The following MAD1L1 variants were observed in gnomAD, a reference collection of about 807,000 sequenced individuals.
MAD1L1 encodes mitotic spindle assembly checkpoint protein MAD1.
A neutral mutation model predicts 96.9 loss-of-function variants in MAD1L1; 95 were observed. That is an observed-to-expected ratio of 0.98 (90% confidence interval 0.83 to 1.16). The LOEUF (loss-of-function observed/expected upper bound fraction) is 1.16. Ranked by LOEUF, MAD1L1 falls within the 50% of genes most tolerant of loss-of-function variation. The probability of loss-of-function intolerance (pLI) is 0.00; values close to 1 mark genes in which losing one functional copy is unlikely to be tolerated. For synonymous variants in MAD1L1, 473 were observed against 396.6 expected, an observed-to-expected ratio of 1.19 and a Z score of -2.29; for missense variants, 1,007 against 954.4, an observed-to-expected ratio of 1.06 and a Z score of -0.73.
At chr7:2,096,341 C>T (rs745477912) in intron 11 of MAD1L1, among the ~76,000 whole-genome samples, 9 of 152,212 alleles carry the variant, frequency 5.9e-5, no homozygotes, top group Non-Finnish European at 1.2e-4. Context: ...TGACCCTCTG[C>T]GCCTGCACAC....
At chr7:1,817,946 T>C (rs541839128) in intron 18 of MAD1L1, among the ~76,000 whole-genome samples, 2 of 152,158 alleles carry the variant, frequency 1.3e-5, no homozygotes, top group South Asian at 4.2e-4. Flanking sequence ...GACCTGTTCC[T>C]GCACCTCCTG....
intron 17 of MAD1L1, among the ~76,000 whole-genome samples, chr7:1,916,707 CG>C (rs934718779): frequency 6.6e-6 from 1 of 152,094 alleles, no homozygotes; most frequent in African/African-American, 2.4e-5. Flanking sequence ...CCCTGTGCTG[CG>C]GGTGTCTTGT....
At chr7:2,095,553 C>T (rs73034427) in intron 11 of MAD1L1, among the ~76,000 whole-genome samples, 4,149 of 152,274 alleles carry the variant, frequency 0.027, 99 homozygotes, top group South Asian at 0.09. Flanking sequence ...AGAAGGGCAG[C>T]GTAACCAGAG....
intron 12 of MAD1L1, among the ~76,000 whole-genome samples, chr7:2,032,707 T>G (rs548511787): frequency 2.0e-5 from 3 of 152,142 alleles, no homozygotes; most frequent in African/African-American, 7.2e-5. Context: ...TTCTGGCATT[T>G]TGAATTCGCG....
intron 13 of MAD1L1, among the ~76,000 whole-genome samples, chr7:2,003,576 G>A (rs1355503417): frequency 6.6e-6 from 1 of 152,126 alleles, no homozygotes; most frequent in African/African-American, 2.4e-5. Flanking sequence ...CTCCCGTGGA[G>A]GCTGCAGGTG....
chr7:1,901,930 C>T (rs1787270376), intron 17 of MAD1L1, among the ~76,000 whole-genome samples: 1 of 152,216 alleles, frequency 6.6e-6, no homozygotes, highest in South Asian at 2.1e-4. Context: ...CAGAACCGGC[C>T]CTCTTAGAGG....
chr7:2,219,851 C>T (rs150240205), intron 5 of MAD1L1, among the ~76,000 whole-genome samples: 3 of 152,232 alleles, frequency 2.0e-5, no homozygotes, highest in African/African-American at 2.4e-5. Flanking sequence ...CAGAGGAGAC[C>T]GGGCCCCAGC....
intron 10 of MAD1L1, among the ~76,000 whole-genome samples, chr7:2,188,124 A>C: frequency 6.6e-6 from 1 of 152,246 alleles, no homozygotes; most frequent in Admixed American, 6.5e-5. Flanking sequence ...TTACATAACC[A>C]TGCATGGATA....
rs548786175 is a variant in MAD1L1, at chr7:2,146,749, C to A, written c.1073+2403G>T. ...CCGTGGCCTCCCATCTTCTGCCATG[C>A]CGCCTCCTTCACGCTCATCTGAATT... On this transcript the variant is annotated intron_variant, in intron 11 of 18. Coordinates refer to ENST00000265854, the MANE Select transcript of MAD1L1 (RefSeq NM_001013836.2). This position sits in a 1 kb window ranked among gnomAD's most constrained non-coding sequence, Gnocchi z 6.2. 6.6e-6 allele frequency among the ~76,000 whole-genome samples: 1 copy of A among 152,356 alleles called. No homozygotes were observed. Among genetic ancestry groups the A allele is most frequent in the East Asian group, 1.9e-4 (1 of 5,188 alleles).
At position 1,968,511 on chromosome 7, in the gene MAD1L1, C is replaced by T. The variant is rs562589479; in HGVS notation, c.1506-10792G>A. 2.6e-5 allele frequency among the ~76,000 whole-genome samples: 4 copies of T among 151,122 alleles called. No individual in the cohort carries two copies. The highest frequency in any genetic ancestry group is 4.9e-5 in the African/African-American group (2 of 41,032). ...GTCCACTGTCCATGCCTCAGTCCGG[C>T]GGTCAGGTCCACCGTCAATGCCAGC... On this transcript the variant is annotated intron_variant, in intron 15 of 18. Coordinates refer to ENST00000265854, the MANE Select transcript of MAD1L1 (RefSeq NM_001013836.2). The surrounding 1 kb of genome is among the most constrained non-coding windows in gnomAD (Gnocchi z 5.6).
chr7:2,184,207 G>A (rs1487767921), intron 10 of MAD1L1, among the ~76,000 whole-genome samples: 5 of 151,582 alleles, frequency 3.3e-5, no homozygotes, highest in Admixed American at 2.0e-4. Context: ...AGTGGAGATC[G>A]CGCCACTGCA....
At chr7:2,104,990 C>CGCCTGGAGATGGGATTCCTGGCACAGCCT (rs1348575958) in intron 11 of MAD1L1, among the ~76,000 whole-genome samples, 6 of 152,222 alleles carry the variant, frequency 3.9e-5, no homozygotes, top group African/African-American at 1.4e-4. Flanking sequence ...ACGCACAGCC[C>CGCCTGGAGATGGGATTCCTGGCACAGCCT]GCCTGGAGAT....
At chr7:1,865,921 G>C (rs371370568) in intron 18 of MAD1L1, among the ~76,000 whole-genome samples, 1 of 152,234 alleles carries the variant, frequency 6.6e-6, no homozygotes, top group Non-Finnish European at 1.5e-5. Context: ...GGAAGCCCTG[G>C]ACAAGCCTGC....
chr7:2,132,704 G>A (rs776377543), intron 11 of MAD1L1, among the ~76,000 whole-genome samples: 8 of 152,198 alleles, frequency 5.3e-5, no homozygotes, highest in East Asian at 3.8e-4. Flanking sequence ...ATTCTTCCAC[G>A]TCTTTTCACA....
rs568281450 is a variant in MAD1L1 at position 2,171,191 on chromosome 7, G to A, written c.987-21953C>T. Reference sequence around the variant, plus strand: ...GCTGAAGAGAAGCAACGTTTCCTGCGTATCGTGCCAGCAGAGCGAAGGGCA... The same window carrying A: ...GCTGAAGAGAAGCAACGTTTCCTGCATATCGTGCCAGCAGAGCGAAGGGCA... On this transcript the variant is annotated intron_variant, in intron 10 of 18. Transcript: ENST00000265854. Among the ~76,000 whole-genome samples, 10 of 152,316 alleles carry A rather than the reference G, an allele frequency of 6.6e-5. No individual in the cohort carries two copies. In the South Asian group the frequency reaches 1.2e-3, roughly 19 times the overall value.
At chr7:2,065,217 T>C (rs1484266508) in intron 12 of MAD1L1, among the ~76,000 whole-genome samples, 3 of 152,242 alleles carry the variant, frequency 2.0e-5, no homozygotes, top group Admixed American at 6.5e-5. Flanking sequence ...CCCCGCCTTC[T>C]TGGGCCCAGT....
chr7:1,872,335 G>T (rs1025341108), intron 18 of MAD1L1, among the ~76,000 whole-genome samples: 2 of 152,218 alleles, frequency 1.3e-5, no homozygotes, highest in Non-Finnish European at 2.9e-5. Flanking sequence ...ATGGCCCTGA[G>T]CCCCAGGAAG....
At chr7:2,211,542 G>C (rs901820171) in intron 10 of MAD1L1, among the ~76,000 whole-genome samples, 25 of 152,240 alleles carry the variant, frequency 1.6e-4, no homozygotes, top group Admixed American at 1.6e-3. Flanking sequence ...CAGGAAAGAA[G>C]TCACAGAGGT....
intron 18 of MAD1L1, among the ~76,000 whole-genome samples, chr7:1,827,861 G>A (rs1400167549): frequency 2.0e-5 from 3 of 152,280 alleles, no homozygotes; most frequent in South Asian, 2.1e-4. Flanking sequence ...AGATGTAGCC[G>A]AATGAGAACA....
Sources: allele counts gnomAD v4.1 joint callset (sites outside exome capture counted in the v4.1 genomes callset), GRCh38; gene constraint gnomAD v4.1.1; non-coding constraint Gnocchi (gnomAD v3.1); transcripts MANE v1.5; gene names NCBI Gene and HGNC (gene_info 2026-07-23, HGNC 2026-07-21).